Variants in COL25A1 observed in about 807,000 individuals in gnomAD.
COL25A1 encodes collagen type XXV alpha 1 chain, also known as collagen alpha-1(XXV) chain.
In COL25A1, 103 loss-of-function variants were observed where a neutral mutation model predicts 128.4. That is an observed-to-expected ratio of 0.80 (90% CI 0.68 to 0.94). The LOEUF (loss-of-function observed/expected upper bound fraction) is 0.94. COL25A1 is among the 40% of genes least tolerant of loss of function. COL25A1 has a pLI of 0.00. For missense variants in COL25A1, 745 were observed against 840.0 expected (o/e 0.89, Z 1.40); for synonymous variants, 279 against 277.2 (o/e 1.01, Z -0.06).
chr4:108,979,637 A>G (rs1324774547), intron 6 of COL25A1, among the ~76,000 whole-genome samples: 1 of 152,204 alleles, frequency 6.6e-6, no homozygotes. Flanking sequence ...TGGGGTTATG[A>G]CTTCTATCCC....
intron 3 of COL25A1, among the ~76,000 whole-genome samples, chr4:109,107,158 C>A (rs1766517572): frequency 6.6e-6 from 1 of 151,980 alleles, no homozygotes. Flanking sequence ...ACCATAAGTT[C>A]CAATGAAGCA....
At chr4:109,256,332 T>C (rs966349924) in intron 3 of COL25A1, among the ~76,000 whole-genome samples, 19 of 152,018 alleles carry the variant, frequency 1.2e-4, no homozygotes, top group Non-Finnish European at 2.9e-5. Context: ...CAGTTGCAAA[T>C]AGCCTAGCCA....
chr4:108,825,393 T>C (rs993079090), intron 33 of COL25A1, among the ~76,000 whole-genome samples, 171 bp from the exon 34 acceptor site: 1 of 152,200 alleles, frequency 6.6e-6, no homozygotes, highest in African/African-American at 2.4e-5. Flanking sequence ...TTAAGGGTCA[T>C]GAAAATTTTA....
chr4:109,107,125 T>C (rs890317796), intron 3 of COL25A1, among the ~76,000 whole-genome samples: 3 of 152,088 alleles, frequency 2.0e-5, no homozygotes, highest in Admixed American at 2.0e-4. Flanking sequence ...TTAGTGTAAA[T>C]CATAATGACA....
chr4:109,125,222 C>A (rs79910366), intron 3 of COL25A1, among the ~76,000 whole-genome samples: 8,644 of 152,164 alleles, frequency 0.057, 429 homozygotes, highest in African/African-American at 0.13. Flanking sequence ...AGATGGCTAT[C>A]CCTTAAGGAA....
chr4:108,884,154 C>T (rs562633391), intron 19 of COL25A1, 24 bp downstream of exon 19: 33 of 1,612,270 alleles, frequency 2.0e-5, no homozygotes, highest in Middle Eastern at 1.7e-4. Context: ...TCTGTGAAGC[C>T]GAGACTGTCC....
intron 13 of COL25A1, among the ~76,000 whole-genome samples, chr4:108,913,467 A>G (rs1744501832): frequency 6.6e-6 from 1 of 151,892 alleles, no homozygotes; most frequent in Non-Finnish European, 1.5e-5. Context: ...CATGTTGGTC[A>G]GGCTGGTCTC....
At chr4:108,928,776 T>C (rs540570944) in intron 11 of COL25A1, among the ~76,000 whole-genome samples, 1 of 152,242 alleles carries the variant, frequency 6.6e-6, no homozygotes, top group East Asian at 1.9e-4. Context: ...CTCAAACTCC[T>C]GAGCTCAAGT....
intron 3 of COL25A1, among the ~76,000 whole-genome samples, chr4:109,235,687 G>C (rs949734256): frequency 3.9e-5 from 6 of 151,972 alleles, no homozygotes; most frequent in Non-Finnish European, 8.8e-5. Context: ...ATGACAAAGA[G>C]GAAAGAATTC....
chr4:109,222,115 G>A (rs1778472996), intron 3 of COL25A1, among the ~76,000 whole-genome samples: 1 of 140,920 alleles, frequency 7.1e-6, no homozygotes, highest in Non-Finnish European at 1.5e-5. Flanking sequence ...CCAGGCTGGA[G>A]TGCAATGGCG....
intron 3 of COL25A1, among the ~76,000 whole-genome samples, chr4:109,070,387 A>T (rs1762830439): frequency 6.6e-6 from 1 of 151,414 alleles, no homozygotes; most frequent in African/African-American, 2.4e-5. Context: ...TTAATCCCAC[A>T]TCATAAGCCC....
intron 6 of COL25A1, among the ~76,000 whole-genome samples, chr4:109,002,859 C>T (rs1209433368): frequency 1.3e-5 from 2 of 151,960 alleles, no homozygotes; most frequent in East Asian, 3.9e-4. Flanking sequence ...GTTTGCTGCA[C>T]CTATCAACCC....
At chr4:108,955,067 A>C (rs185916404) in intron 8 of COL25A1, among the ~76,000 whole-genome samples, 18 of 152,182 alleles carry the variant, frequency 1.2e-4, no homozygotes, top group Admixed American at 6.5e-4. Context: ...CATTAACTAC[A>C]AGTTTTATGA....
intron 3 of COL25A1, among the ~76,000 whole-genome samples, chr4:109,287,176 T>C (rs1723969769): frequency 6.6e-6 from 1 of 152,214 alleles, no homozygotes; most frequent in African/African-American, 2.4e-5. Context: ...TCCATTAAAA[T>C]TGGATACGGT....
chr4:109,277,988 A>G (rs1355178903), intron 3 of COL25A1, among the ~76,000 whole-genome samples: 1 of 152,166 alleles, frequency 6.6e-6, no homozygotes, highest in Non-Finnish European at 1.5e-5. Context: ...TCAAAAAATT[A>G]GCCAGGCATG....
At chr4:109,013,042 T>C (rs956270641) in intron 5 of COL25A1, among the ~76,000 whole-genome samples, 1 of 152,084 alleles carries the variant, frequency 6.6e-6, no homozygotes, top group Non-Finnish European at 1.5e-5. Context: ...CAATCAGCAC[T>C]CTGTATCTAG....
chr4:108,865,345 C>G (rs182347145), intron 20 of COL25A1, among the ~76,000 whole-genome samples: 43 of 152,116 alleles, frequency 2.8e-4, no homozygotes, highest in African/African-American at 1.0e-3. Context: ...TTTGGGAAGC[C>G]TTTGTGGTTT....
chr4:109,111,019 C>T (rs1233450189), intron 3 of COL25A1, among the ~76,000 whole-genome samples: 1 of 152,180 alleles, frequency 6.6e-6, no homozygotes, highest in African/African-American at 2.4e-5. Context: ...TTTTCATTGT[C>T]TACAGGATCA....
At chr4:108,952,870 C>T (rs1749627284) in intron 8 of COL25A1, among the ~76,000 whole-genome samples, 1 of 104,878 alleles carries the variant, frequency 9.5e-6, no homozygotes, top group African/African-American at 3.6e-5. Flanking sequence ...ATGTTTCATG[C>T]TGGGAGAGAA....
Sources: allele counts gnomAD v4.1 joint callset (sites outside exome capture counted in the v4.1 genomes callset), GRCh38; gene constraint gnomAD v4.1.1; transcripts MANE v1.5; gene names NCBI Gene and HGNC (gene_info 2026-07-23, HGNC 2026-07-21).